Variants in GUCD1 observed in about 807,000 individuals in gnomAD.
GUCD1 encodes the protein guanylyl cyclase domain containing 1.
GUCD1 carries 17 observed loss-of-function variants against 28.3 expected under a neutral mutation model. That is an observed-to-expected ratio of 0.60 (90% CI 0.41 to 0.90). The LOEUF (loss-of-function observed/expected upper bound fraction) is 0.90. Among genes scored for constraint, GUCD1 ranks in the 40% least tolerant of loss-of-function variants. GUCD1 has a pLI of 0.00. For missense variants in GUCD1, 279 were observed against 305.5 expected, an observed-to-expected ratio of 0.91 and a Z score of 0.65; for synonymous variants, 129 against 123.3, an observed-to-expected ratio of 1.05 and a Z score of -0.30.
intron 1 of GUCD1, among the ~76,000 whole-genome samples, chr22:24,553,137 A>G (rs1162959441): frequency 6.6e-6 from 1 of 152,164 alleles, no homozygotes; most frequent in African/African-American, 2.4e-5. Context: ...AGAACCCCTC[A>G]CAGCAGCCAC....
Sources: allele counts gnomAD v4.1 joint callset (sites outside exome capture counted in the v4.1 genomes callset), GRCh38; gene constraint gnomAD v4.1.1; transcripts MANE v1.5; gene names NCBI Gene and HGNC (gene_info 2026-07-23, HGNC 2026-07-21).